FAT3: variants seen among roughly 807,000 people sequenced by gnomAD.
The protein encoded by FAT3 is protocadherin Fat 3.
In FAT3, 95 loss-of-function variants were observed where a neutral mutation model predicts 310.2. The ratio of observed to expected loss-of-function variants is 0.31; its 90% confidence interval spans 0.26 to 0.36. The LOEUF is 0.36. FAT3 is among the 10% of genes least tolerant of loss of function. The pLI is 1.00. For missense variants in FAT3, 5,408 were observed against 5,715.6 expected (o/e 0.95, Z 1.74); for synonymous variants, 2,314 against 2,192.9 (o/e 1.06, Z -1.54).
rs750548183 is a variant in FAT3, at chr11:92,882,771, G to T, written c.12315G>T (p.Glu4105Asp). ...AGGACATCAATGAGTGCGAACGAGA[G>T]GAGTGTGAGAACGGAGGCTCCTGCG... The part of the protein sequence containing the change: ...CEEDINECER[E>D]ECENGGSCVN... Residue 4105 changes from glutamate to aspartate, a missense_variant, in exon 24 of 28, where the codon GAG (glutamate) becomes GAT (aspartate). Glu to Asp is a conservative substitution (Grantham distance 45). Coordinates refer to ENST00000525166, the MANE Select transcript of FAT3 (RefSeq NM_001367949.2). 5 of 1,611,082 alleles carry T rather than the reference G, an allele frequency of 3.1e-6. No homozygotes were observed. Among genetic ancestry groups the T allele is most frequent in the Non-Finnish European group, 4.2e-6 (5 of 1,178,770 alleles).
At chr11:92,531,820 C>T (rs1954084284) in intron 3 of FAT3, among the ~76,000 whole-genome samples, 1 of 152,046 alleles carries the variant, frequency 6.6e-6, no homozygotes, top group South Asian at 2.1e-4. Context: ...TTCTCAACCT[C>T]GATACTGTGG....
intron 3 of FAT3, among the ~76,000 whole-genome samples, chr11:92,663,092 G>A (rs1326242593): frequency 3.9e-5 from 6 of 152,170 alleles, no homozygotes; most frequent in Admixed American, 1.3e-4. Flanking sequence ...CAGAGGAAGC[G>A]GAAATTTTTT....
At chr11:92,824,913 A>G (rs1308408478) in intron 13 of FAT3, among the ~76,000 whole-genome samples, 1 of 152,092 alleles carries the variant, frequency 6.6e-6, no homozygotes, top group Non-Finnish European at 1.5e-5. Context: ...ATAGTATTCT[A>G]TATACATCAT....
intron 2 of FAT3, among the ~76,000 whole-genome samples, chr11:92,409,640 C>T (rs1033824042): frequency 2.0e-5 from 3 of 151,838 alleles, no homozygotes; most frequent in Non-Finnish European, 4.4e-5. Context: ...TTTTTTGGTC[C>T]CAGTCCTTGT....
intron 2 of FAT3, among the ~76,000 whole-genome samples, chr11:92,453,256 A>T (rs1278535701): frequency 6.6e-6 from 1 of 152,204 alleles, no homozygotes; most frequent in Non-Finnish European, 1.5e-5. Context: ...TATTACTCAG[A>T]TGCTGCTTTG....
At chr11:92,745,672 A>G (rs919146376) in intron 4 of FAT3, among the ~76,000 whole-genome samples, 4 of 152,048 alleles carry the variant, frequency 2.6e-5, no homozygotes, top group Non-Finnish European at 5.9e-5. Context: ...CAAAGCTGTA[A>G]TATCAGCAGC....
Position 92,798,645 on chromosome 11 carries a change from G to A in FAT3, c.5632G>A (p.Asp1878Asn), listed in dbSNP as rs999312701. 6.2e-7 allele frequency: 1 copy of A among 1,613,722 alleles called. No individual in the cohort carries two copies. The highest frequency in any genetic ancestry group is 8.5e-7 in the Non-Finnish European group (1 of 1,179,822). ...EVNIEVTDVN[D>N]NPPVFTQAVF... ...CAACATTGAGGTGACAGATGTGAAT[G>A]ATAACCCACCTGTTTTTACTCAGGC... The change falls in exon 10 of 28, where the codon GAT becomes AAT. Residue 1878 changes from aspartate to asparagine, a missense_variant. Coordinates refer to ENST00000525166, the MANE Select transcript of FAT3 (RefSeq NM_001367949.2).
In FAT3 at chr11:92,237,211, G is replaced by T. The variant is rs528596563; in HGVS notation, c.-18+12037G>T. 7.2e-5 allele frequency among the ~76,000 whole-genome samples: 11 copies of T among 152,240 alleles called. 1 individual carries two copies. The South Asian group carries it at 2.3e-3, about 32-fold the overall frequency. On this transcript the variant is annotated intron_variant, in intron 1 of 27. Transcript: ENST00000525166. ...AAAGTAATTGAGAGTAATTAAAAAG[G>T]CAGAGAGTTAATTCACAGTTCTTTA... is the stretch of plus-strand genomic sequence containing the variant.
At chr11:92,510,125 A>G (rs1163252590) in intron 2 of FAT3, among the ~76,000 whole-genome samples, 2 of 152,154 alleles carry the variant, frequency 1.3e-5, no homozygotes, top group Non-Finnish European at 2.9e-5. Context: ...ATATTTCTAG[A>G]TATCTAACTG....
Position 92,810,065 on chromosome 11 carries a change from A to G in FAT3, c.9470A>G (p.Asp3157Gly). 6.2e-7 allele frequency: 1 copy of G among 1,613,600 alleles called. No homozygotes were observed. The highest frequency in any genetic ancestry group is 8.5e-7 in the Non-Finnish European group (1 of 1,179,738). Residue 3157 changes from aspartate to glycine, a missense_variant, in exon 13 of 28, where the codon GAC becomes GGC. By Grantham distance (94) the Asp-to-Gly change is moderately conservative. Transcript: ENST00000525166. ...KALLTRVQAV[D>G]PDIGINRKVV... ...CTGTTGACCAGAGTTCAAGCCGTGG[A>G]CCCCGACATTGGTAAGTCAGTTGCA...
chr11:92,421,022 T>C (rs564735034), intron 2 of FAT3, among the ~76,000 whole-genome samples: 1 of 152,340 alleles, frequency 6.6e-6, no homozygotes, highest in South Asian at 2.1e-4. Context: ...GCGGATGTTT[T>C]CCTGTCTCAG....
chr11:92,793,331 G>T (rs934776948), intron 9 of FAT3, among the ~76,000 whole-genome samples: 1 of 152,114 alleles, frequency 6.6e-6, no homozygotes, highest in Admixed American at 6.6e-5. Flanking sequence ...GATCATCTGA[G>T]GCCTGCCAGG....
In FAT3 at chr11:92,798,191, G is replaced by A. The variant is rs1409233161; in HGVS notation, c.5178G>A (p.Gln1726=). Residue 1726 remains glutamine (Q), a synonymous_variant, in exon 10 of 28, where the codon CAG becomes CAA. Transcript: ENST00000525166. The part of the protein sequence containing the change: ...INPYSGVITT[Q]KALDYERTSS... ...CATATTCTGGAGTCATCACCACTCAGAAGGCCCTGGATTATGAGCGCACAT... is the reference window on the plus strand; with the variant it reads ...CATATTCTGGAGTCATCACCACTCAAAAGGCCCTGGATTATGAGCGCACAT... 1 of 1,613,804 alleles carries A rather than the reference G, an allele frequency of 6.2e-7. No homozygotes were observed. The highest frequency in any genetic ancestry group is 2.2e-5 in the East Asian group (1 of 44,888).
chr11:92,594,267 AC>A (rs1174237479), intron 3 of FAT3, among the ~76,000 whole-genome samples: 1 of 152,126 alleles, frequency 6.6e-6, no homozygotes, highest in East Asian at 1.9e-4. Context: ...ACATGGAGAA[AC>A]CCTGTCTCTA....
intron 2 of FAT3, among the ~76,000 whole-genome samples, chr11:92,359,324 C>G (rs1039924094): frequency 6.6e-6 from 1 of 152,020 alleles, no homozygotes. Context: ...TTCAAATAAT[C>G]TTTTATTATT....
intron 6 of FAT3, among the ~76,000 whole-genome samples, chr11:92,771,141 C>T (rs1946445341): frequency 1.3e-5 from 2 of 152,246 alleles, no homozygotes; most frequent in Admixed American, 6.5e-5. Context: ...ACCAGCTCTG[C>T]GGTGTCCTCC....
chr11:92,335,549 A>G (rs1948047748), intron 1 of FAT3, among the ~76,000 whole-genome samples: 1 of 152,224 alleles, frequency 6.6e-6, no homozygotes, highest in South Asian at 2.1e-4. Context: ...AAAAAACCTT[A>G]AAAGTACCAT....
At chr11:92,863,185 C>A (rs1354422908) in intron 21 of FAT3, among the ~76,000 whole-genome samples, 1 of 152,058 alleles carries the variant, frequency 6.6e-6, no homozygotes, top group Non-Finnish European at 1.5e-5. Context: ...TCACTTGATC[C>A]TCCTGCCTCA....
At position 92,762,032 on chromosome 11, in the gene FAT3, T is replaced by C; in HGVS notation, c.3846T>C (p.Asp1282=). The C allele has an allele frequency of 1.2e-6, 2 of 1,613,914 alleles. No homozygotes were observed. Among genetic ancestry groups the C allele is most frequent in the South Asian group, 2.2e-5 (2 of 91,070 alleles). ...GEPIYRAFAF[D]RDEGPNAEIS... ...CGATTTACAGGGCTTTTGCATTTGA[T>C]AGAGATGAGGGCCCCAACGCAGAAA... The change falls in exon 5 of 28, where the codon GAT becomes GAC. Residue 1282 remains aspartate, a synonymous_variant. Transcript: ENST00000525166.
Sources: gnomAD v4.1 joint callset for allele counts (sites outside exome capture counted in the v4.1 genomes callset) on GRCh38, gnomAD v4.1.1 for gene constraint, MANE v1.5 for transcripts, NCBI Gene and HGNC (gene_info 2026-07-23, HGNC 2026-07-21) for gene names.